Variants in DCDC1 observed in about 807,000 individuals in gnomAD.
DCDC1 encodes the protein doublecortin domain-containing protein 1.
DCDC1 carries 200 observed loss-of-function variants against 178.3 expected under a neutral mutation model. That is an observed-to-expected ratio of 1.12 (90% CI 1.00 to 1.26). DCDC1 has a LOEUF of 1.26. Ranked by LOEUF, DCDC1 falls within the 50% of genes most tolerant of loss-of-function variation. The pLI is 0.00. For synonymous variants in DCDC1, 690 were observed against 604.8 expected (o/e 1.14, Z -2.07); for missense variants, 1,983 against 1,749.2 (o/e 1.13, Z -2.38).
chr11:31,039,329 T>G (rs540601642), intron 20 of DCDC1, among the ~76,000 whole-genome samples: 1 of 152,224 alleles, frequency 6.6e-6, no homozygotes, highest in African/African-American at 2.4e-5. Flanking sequence ...TTAAATGCAA[T>G]AGGCAATGTT....
chr11:31,204,836 A>C (rs1434655234), intron 9 of DCDC1, among the ~76,000 whole-genome samples: 1 of 152,158 alleles, frequency 6.6e-6, no homozygotes, highest in Non-Finnish European at 1.5e-5. Context: ...ACAAAACAAA[A>C]CAAGCAAACA....
chr11:31,101,922 C>A (rs1462496066), intron 15 of DCDC1, among the ~76,000 whole-genome samples: 2 of 151,876 alleles, frequency 1.3e-5, no homozygotes, highest in African/African-American at 2.4e-5. Context: ...ACGAAAAGTA[C>A]AAAAATTAGC....
chr11:31,057,585 G>A (rs914281636), intron 20 of DCDC1, among the ~76,000 whole-genome samples: 10 of 152,070 alleles, frequency 6.6e-5, no homozygotes, highest in Non-Finnish European at 1.2e-4. Flanking sequence ...CACATCATGA[G>A]AAGAAAAGCT....
At chr11:30,880,676 A>T (rs980145128) in intron 37 of DCDC1, among the ~76,000 whole-genome samples, 3 of 152,162 alleles carry the variant, frequency 2.0e-5, no homozygotes, top group Admixed American at 2.0e-4. Flanking sequence ...TTCAATAACA[A>T]ATATATGTCC....
Position 31,045,675 on chromosome 11 carries a change from T to G in DCDC1, c.2591+18794A>C, listed in dbSNP as rs187874886. Among the ~76,000 whole-genome samples, 6 of 152,322 alleles carry G rather than the reference T, an allele frequency of 3.9e-5. No individual in the cohort carries two copies. The East Asian group carries it at 9.6e-4, about 24-fold the overall frequency. On this transcript the variant is annotated intron_variant, in intron 20 of 38. Coordinates refer to ENST00000684477, the MANE Select transcript of DCDC1 (RefSeq NM_001387274.1). ...GGTTCAAGATAACTGTTCCTAGTTT[T>G]TTTAACAAACTTTTCTTCTCAGGAG...
intron 7 of DCDC1, among the ~76,000 whole-genome samples, chr11:31,284,979 A>G (rs1946710974): frequency 6.6e-6 from 1 of 152,126 alleles, no homozygotes; most frequent in Admixed American, 6.6e-5. Flanking sequence ...ATTAAGGACT[A>G]TCCTTAACTA....
At chr11:31,051,340 A>G (rs2135411684) in intron 20 of DCDC1, among the ~76,000 whole-genome samples, 1 of 152,326 alleles carries the variant, frequency 6.6e-6, no homozygotes, top group Admixed American at 6.5e-5. Flanking sequence ...AAACAACCAA[A>G]TCTAAGAATA....
intron 11 of DCDC1, among the ~76,000 whole-genome samples, chr11:31,119,926 T>A (rs926721604): frequency 1.3e-5 from 2 of 152,180 alleles, no homozygotes; most frequent in Non-Finnish European, 2.9e-5. Flanking sequence ...GTCATATTGT[T>A]TCTAATTGTA....
intron 10 of DCDC1, among the ~76,000 whole-genome samples, chr11:31,133,749 G>C (rs1320770638): frequency 6.6e-6 from 1 of 152,070 alleles, no homozygotes; most frequent in East Asian, 1.9e-4. Flanking sequence ...TGTCGCCCAG[G>C]CTGGAGTGCA....
At chr11:31,088,708 G>A (rs903899105) in intron 17 of DCDC1, among the ~76,000 whole-genome samples, 5 of 151,990 alleles carry the variant, frequency 3.3e-5, no homozygotes, top group Non-Finnish European at 7.4e-5. Flanking sequence ...AATTAGCACT[G>A]TGGGGTTTTG....
At chr11:31,246,519 AG>A (rs1943578953) in intron 8 of DCDC1, among the ~76,000 whole-genome samples, 1 of 151,850 alleles carries the variant, frequency 6.6e-6, no homozygotes, top group African/African-American at 2.4e-5. Flanking sequence ...GGTCAAAACA[AG>A]GTAAGTTTTT....
chr11:31,312,645 CA>C (rs1382865721), intron 3 of DCDC1: 1 of 152,152 alleles, frequency 6.6e-6, no homozygotes, highest in African/African-American at 2.4e-5. Context: ...TCAGCTAGGA[CA>C]TTAATCTTCC....
chr11:31,249,698 T>C (rs1482076128), intron 8 of DCDC1, among the ~76,000 whole-genome samples: 1 of 152,154 alleles, frequency 6.6e-6, no homozygotes, highest in Non-Finnish European at 1.5e-5. Context: ...TGATTAATTA[T>C]TGCCAGCACT....
At chr11:30,908,802 CAG>C in intron 29 of DCDC1, 142 bp downstream of exon 29, 1 of 563,846 alleles carries the variant, frequency 1.8e-6, no homozygotes, top group Non-Finnish European at 2.8e-6. Flanking sequence ...CTACCAGAAT[CAG>C]AGTCTAAGTG....
chr11:30,960,071 C>A (rs1949004900), intron 20 of DCDC1, among the ~76,000 whole-genome samples: 1 of 152,128 alleles, frequency 6.6e-6, no homozygotes, highest in Admixed American at 6.6e-5. Flanking sequence ...TCTATCTGAT[C>A]ATACTCTCAG....
chr11:31,288,656 A>G (rs1006831343), intron 7 of DCDC1, among the ~76,000 whole-genome samples: 4 of 151,946 alleles, frequency 2.6e-5, no homozygotes, highest in Admixed American at 6.6e-5. Flanking sequence ...TCAGTTTTAC[A>G]TTACTTAGTA....
intron 11 of DCDC1, among the ~76,000 whole-genome samples, chr11:31,115,981 T>TTGGGGGGGGGGGG (rs1555066669): frequency 2.6e-5 from 1 of 38,092 alleles, no homozygotes; most frequent in African/African-American, 6.5e-5. Flanking sequence ...GCTGTGGCAG[T>TTGGGGGGGGGGGG]GGGGGGGGGG....
intron 20 of DCDC1, among the ~76,000 whole-genome samples, chr11:31,029,939 CA>C (rs1359528647): frequency 6.6e-6 from 1 of 151,980 alleles, no homozygotes; most frequent in Non-Finnish European, 1.5e-5. Context: ...GACACACTGA[CA>C]AAAGGAAGCC....
At chr11:31,272,752 G>A (rs977965715) in intron 7 of DCDC1, among the ~76,000 whole-genome samples, 25 of 152,332 alleles carry the variant, frequency 1.6e-4, no homozygotes, top group Admixed American at 2.0e-4. Flanking sequence ...CTACTCCTGC[G>A]GCTTTGCAGG....
Sources: allele counts gnomAD v4.1 joint callset (sites outside exome capture counted in the v4.1 genomes callset), GRCh38; gene constraint gnomAD v4.1.1; transcripts MANE v1.5; gene names NCBI Gene and HGNC (gene_info 2026-07-23, HGNC 2026-07-21).